The following CPSF3 variants were observed in gnomAD, a reference collection of about 807,000 sequenced individuals.
CPSF3 encodes cleavage and polyadenylation specific factor 3.
CPSF3 carries 57 observed loss-of-function variants against 84.1 expected under a neutral mutation model. That is an observed-to-expected ratio of 0.68 (90% CI 0.55 to 0.85). CPSF3 has a LOEUF of 0.85. Among genes scored for constraint, CPSF3 ranks in the 40% least tolerant of loss-of-function variants. The pLI, the probability that CPSF3 is intolerant of heterozygous loss-of-function variation, is 0.00. For synonymous variants in CPSF3, 275 were observed against 278.1 expected (o/e 0.99, Z 0.11); for missense variants, 522 against 838.8 (o/e 0.62, Z 4.66).
At chr2:9,432,039 T>C (rs1558450017) in intron 4 of CPSF3, among the ~76,000 whole-genome samples, 1 of 152,130 alleles carries the variant, frequency 6.6e-6, no homozygotes, top group Non-Finnish European at 1.5e-5. Flanking sequence ...TAACCACTGT[T>C]CTCTCTTGCT....
intron 16 of CPSF3, among the ~76,000 whole-genome samples, chr2:9,470,082 G>A (rs1279261355): frequency 1.3e-5 from 2 of 152,110 alleles, no homozygotes; most frequent in African/African-American, 2.4e-5. Flanking sequence ...AATGAGCCAG[G>A]TGTGGTGGTG....
chr2:9,457,085 T>C (rs892825770), intron 14 of CPSF3, 58 bp downstream of exon 14: 1 of 977,168 alleles, frequency 1.0e-6, no homozygotes. Flanking sequence ...AAAGAGTTCA[T>C]GAACAATTGT....
intron 11 of CPSF3, among the ~76,000 whole-genome samples, chr2:9,450,146 A>T (rs7606511): frequency 0.48 from 69,504 of 146,320 alleles, 17,843 homozygotes; most frequent in Middle Eastern, 0.66. Context: ...TACAGGCACA[A>T]ATTTTTTTTT....
intron 10 of CPSF3, 68 bp downstream of exon 10, chr2:9,443,729 A>G (rs1292661361): frequency 6.4e-7 from 1 of 1,553,548 alleles, no homozygotes; most frequent in Non-Finnish European, 8.8e-7. Context: ...ACTGTGCAGC[A>G]GGCAGTTCAC....
At chr2:9,467,870 G>C (rs1042525853) in intron 16 of CPSF3, 94 bp downstream of exon 16, 1 of 1,000,556 alleles carries the variant, frequency 1.0e-6, no homozygotes, top group Non-Finnish European at 1.6e-6. Flanking sequence ...ACTGGGGCGT[G>C]GCTCTGGCCA....
At position 9,448,264 on chromosome 2, in the gene CPSF3, G is replaced by C; in HGVS notation, c.1309G>C (p.Asp437His). 8 of 1,612,434 alleles carry C rather than the reference G, an allele frequency of 5.0e-6. No homozygotes were observed. The highest frequency in any genetic ancestry group is 6.8e-6 in the Non-Finnish European group (8 of 1,178,604). ...LKAALIREYE[D>H]NDEVHIEVHN... ...AGCAGCACTGATTCGAGAATATGAA[G>C]ATAACGATGAAGTTCACATAGAGGT... Residue 437 changes from aspartate to histidine, a missense_variant, in exon 11 of 18, where the codon GAT (aspartate) becomes CAT (histidine). Physicochemically the swap from Asp to His is moderately conservative, Grantham distance 81 (BLOSUM62 -1). Coordinates refer to ENST00000238112, the MANE Select transcript of CPSF3 (RefSeq NM_016207.4).
chr2:9,472,934 G>A lies in CPSF3; in HGVS notation c.1972G>A (p.Gly658Arg), dbSNP rs891906066. Residue 658 changes from glycine (G) to arginine (R), a missense_variant, in exon 18 of 18, where the codon GGA becomes AGA. Gly to Arg is a moderately radical substitution (Grantham distance 125). Coordinates refer to ENST00000238112, the MANE Select transcript of CPSF3 (RefSeq NM_016207.4). ...CTTTCAGACTGTAGAATGTGAAGAG[G>A]GAAGTGAAGACGATGAATCCCTCCG... ...LETRTVECEE[G>R]SEDDESLREM... The A allele has an allele frequency of 5.0e-6, 8 of 1,613,126 alleles. No homozygotes were observed. The highest frequency in any genetic ancestry group is 4.2e-6 in the Non-Finnish European group (5 of 1,179,224).
intron 11 of CPSF3, among the ~76,000 whole-genome samples, chr2:9,451,717 T>A (rs1246478789): frequency 3.8e-5 from 1 of 26,466 alleles, no homozygotes; most frequent in Non-Finnish European, 9.9e-5. Context: ...TAAATGAAAC[T>A]TTTTTTTTTT....
intron 8 of CPSF3, among the ~76,000 whole-genome samples, chr2:9,441,432 T>C (rs956523387): frequency 3.3e-5 from 5 of 152,350 alleles, no homozygotes; most frequent in African/African-American, 1.2e-4. Context: ...GCATGGAGCA[T>C]GCAAAGCTAT....
At chr2:9,432,753 A>T (rs1680634019) in intron 5 of CPSF3, 65 bp downstream of exon 5, 1 of 1,296,592 alleles carries the variant, frequency 7.7e-7, no homozygotes, top group Admixed American at 3.0e-5. Context: ...GCCACCAAGT[A>T]CTATTAAAAA....
At chr2:9,424,097 C>G (rs1383194711) in intron 1 of CPSF3, 1 of 1,205,562 alleles carries the variant, frequency 8.3e-7, no homozygotes, top group Non-Finnish European at 1.0e-6. Context: ...GGCCACCGCT[C>G]GCTTTCGTAC....
chr2:9,471,381 ACT>A lies in CPSF3; in HGVS notation c.1898_1899del (p.Ser633TyrfsTer3), dbSNP rs1462484319. 3.1e-6 allele frequency: 5 copies of A among 1,612,554 alleles called. No individual in the cohort carries two copies. Among genetic ancestry groups the A allele is most frequent in the African/African-American group, 1.3e-5 (1 of 74,828 alleles). ...GAAGACTGTGTAAGTGTAAAGGATG[ACT>A]CTATTCTTAGCGTCACAGTGGACGG... On this transcript the variant is annotated frameshift_variant, in exon 17 of 18. Coordinates refer to ENST00000238112, the MANE Select transcript of CPSF3 (RefSeq NM_016207.4). LOFTEE classifies it high-confidence loss of function.
chr2:9,441,489 C>T (rs987975219), intron 8 of CPSF3, among the ~76,000 whole-genome samples: 9 of 152,192 alleles, frequency 5.9e-5, no homozygotes, highest in African/African-American at 1.9e-4. Flanking sequence ...TTGGGTAGAT[C>T]AAGACCCATT....
intron 1 of CPSF3, among the ~76,000 whole-genome samples, chr2:9,426,061 T>G (rs537933174): frequency 6.6e-6 from 1 of 152,244 alleles, no homozygotes; most frequent in Non-Finnish European, 1.5e-5. Context: ...AGGTTCAAAA[T>G]TGAGGAGTTT....
intron 13 of CPSF3, 62 bp from the exon 14 acceptor site, chr2:9,456,871 G>C: frequency 3.0e-6 from 3 of 1,004,382 alleles, no homozygotes; most frequent in Non-Finnish European, 4.4e-6. Context: ...ATAAACAAAC[G>C]AATGGTCTCT....
chr2:9,466,237 C>T (rs1056241333), intron 15 of CPSF3, among the ~76,000 whole-genome samples: 7 of 137,852 alleles, frequency 5.1e-5, no homozygotes, highest in African/African-American at 1.6e-4. Context: ...CACACACGTG[C>T]GCGCACGCAC....
At chr2:9,433,815 C>G (rs1052736793) in intron 5 of CPSF3, 56 bp from the exon 6 acceptor site, 25 of 1,200,432 alleles carry the variant, frequency 2.1e-5, no homozygotes, top group Non-Finnish European at 3.1e-5. Flanking sequence ...AATCTATTCA[C>G]TAGCAAAATG....
At chr2:9,448,625 C>G (rs1445913545) in intron 11 of CPSF3, among the ~76,000 whole-genome samples, 1 of 152,172 alleles carries the variant, frequency 6.6e-6, no homozygotes, top group African/African-American at 2.4e-5. Flanking sequence ...GGTGCGATCT[C>G]GGCTCACTGC....
At chr2:9,448,121 A>G in intron 10 of CPSF3, 77 bp from the exon 11 acceptor site, 1 of 722,848 alleles carries the variant, frequency 1.4e-6, no homozygotes, top group East Asian at 2.9e-5. Context: ...TATATTTCAT[A>G]TATTTAATTC....
Sources: gnomAD v4.1 joint callset for allele counts (sites outside exome capture counted in the v4.1 genomes callset) on GRCh38, gnomAD v4.1.1 for gene constraint, MANE v1.5 for transcripts, NCBI Gene and HGNC (gene_info 2026-07-23, HGNC 2026-07-21) for gene names.